MARCHF1: variants seen among roughly 807,000 people sequenced by gnomAD.
MARCHF1 encodes the protein membrane associated ring-CH-type finger 1, also known as E3 ubiquitin-protein ligase MARCHF1.
In MARCHF1, 40 loss-of-function variants were observed where a neutral mutation model predicts 54.2. The ratio of observed to expected loss-of-function variants is 0.74; its 90% CI spans 0.57 to 0.96. MARCHF1 has a LOEUF of 0.96. Among genes scored for constraint, MARCHF1 ranks in the 40% least tolerant of loss-of-function variants. The pLI is 0.00. For missense variants in MARCHF1, 586 were observed against 656.5 expected (o/e 0.89, Z 1.17); for synonymous variants, 236 against 236.3 (o/e 1.00, Z 0.01).
chr4:163,815,432 A>T (rs9308067), intron 4 of MARCHF1, among the ~76,000 whole-genome samples: 133,944 of 152,212 alleles, frequency 0.88, 59,999 homozygotes, highest in South Asian at 0.98. Flanking sequence ...GTACTGGTTG[A>T]TTAATCTTCA....
chr4:164,363,409 T>C (rs1322456021), intron 1 of MARCHF1, among the ~76,000 whole-genome samples: 4 of 152,176 alleles, frequency 2.6e-5, no homozygotes, highest in African/African-American at 9.7e-5. Flanking sequence ...AACCAAACTA[T>C]AAACTACTTC....
chr4:164,310,223 G>A (rs749646584), intron 1 of MARCHF1, among the ~76,000 whole-genome samples: 15 of 151,952 alleles, frequency 9.9e-5, no homozygotes, highest in Non-Finnish European at 1.9e-4. Flanking sequence ...GATCACAGGT[G>A]CGCACCACCA....
intron 1 of MARCHF1, among the ~76,000 whole-genome samples, chr4:164,123,178 G>T (rs1756107880): frequency 6.6e-6 from 1 of 151,948 alleles, no homozygotes; most frequent in African/African-American, 2.4e-5. Context: ...TGAATAATGT[G>T]AAAATGAAAT....
intron 1 of MARCHF1, among the ~76,000 whole-genome samples, chr4:164,243,936 A>G (rs893815925): frequency 1.1e-4 from 17 of 152,152 alleles, no homozygotes; most frequent in African/African-American, 3.9e-4. Context: ...CACCCAATAC[A>G]GGAGCACCCA....
intron 1 of MARCHF1, among the ~76,000 whole-genome samples, chr4:164,260,753 G>T (rs9308071): frequency 0.12 from 17,521 of 152,138 alleles, 1,576 homozygotes; most frequent in African/African-American, 0.25. Flanking sequence ...GTATGTGTAG[G>T]AGTAAAAAGC....
intron 4 of MARCHF1, among the ~76,000 whole-genome samples, chr4:163,756,628 T>A (rs1380000530): frequency 1.5e-4 from 7 of 45,542 alleles, no homozygotes; most frequent in Admixed American, 3.8e-4. Flanking sequence ...CGAGACTCTG[T>A]CTCAAAAAAA....
intron 1 of MARCHF1, among the ~76,000 whole-genome samples, chr4:164,121,170 G>A (rs1756057594): frequency 1.3e-5 from 2 of 152,046 alleles, no homozygotes; most frequent in East Asian, 1.9e-4. Context: ...TGAAAGGATC[G>A]TTTGTGGCTA....
chr4:164,174,528 G>C (rs1730612485), intron 1 of MARCHF1, among the ~76,000 whole-genome samples: 1 of 152,196 alleles, frequency 6.6e-6, no homozygotes, highest in Non-Finnish European at 1.5e-5. Context: ...AGTGGTACGA[G>C]ATTAGGAAGG....
At chr4:163,625,715 G>A (rs536458413) in intron 5 of MARCHF1, among the ~76,000 whole-genome samples, 1 of 152,194 alleles carries the variant, frequency 6.6e-6, no homozygotes, top group Non-Finnish European at 1.5e-5. Context: ...GGACTTCAGA[G>A]TCAAAAAACA....
intron 1 of MARCHF1, among the ~76,000 whole-genome samples, chr4:164,340,491 G>A (rs1241553479): frequency 1.4e-5 from 2 of 146,546 alleles, no homozygotes; most frequent in African/African-American, 5.0e-5. Flanking sequence ...ATGCAGCAGT[G>A]CAATCTTGGC....
chr4:164,381,253 ATACAT>A (rs1428742710), intron 1 of MARCHF1, among the ~76,000 whole-genome samples: 1 of 152,232 alleles, frequency 6.6e-6, no homozygotes, highest in East Asian at 1.9e-4. Flanking sequence ...TATGTGTGAA[ATACAT>A]TAAAGAACAT....
intron 5 of MARCHF1, among the ~76,000 whole-genome samples, chr4:163,672,341 A>G (rs1445120990): frequency 1.3e-5 from 2 of 152,104 alleles, no homozygotes; most frequent in Admixed American, 6.5e-5. Flanking sequence ...AACACATGTC[A>G]TGGCGGGGAG....
At chr4:164,317,794 G>A (rs1028663471) in intron 1 of MARCHF1, among the ~76,000 whole-genome samples, 1 of 152,178 alleles carries the variant, frequency 6.6e-6, no homozygotes, top group Admixed American at 6.5e-5. Flanking sequence ...GAGTTGGTGG[G>A]TAAACTGTGG....
At chr4:163,855,948 T>C (rs1350675321) in intron 3 of MARCHF1, among the ~76,000 whole-genome samples, 3 of 152,210 alleles carry the variant, frequency 2.0e-5, no homozygotes, top group South Asian at 2.1e-4. Context: ...ACTTTCATTT[T>C]TGATGTGATT....
chr4:164,040,031 T>A (rs559085670), intron 2 of MARCHF1, among the ~76,000 whole-genome samples: 16 of 146,982 alleles, frequency 1.1e-4, no homozygotes, highest in African/African-American at 3.9e-4. Flanking sequence ...GTATAATTTA[T>A]ATATACAAGC....
At chr4:164,303,842 A>G (rs530171888) in intron 1 of MARCHF1, among the ~76,000 whole-genome samples, 2 of 152,142 alleles carry the variant, frequency 1.3e-5, no homozygotes, top group Non-Finnish European at 2.9e-5. Flanking sequence ...GAGAAACAAA[A>G]TAAAGAGACA....
intron 4 of MARCHF1, among the ~76,000 whole-genome samples, chr4:163,805,647 C>A (rs1485016928): frequency 1.3e-5 from 2 of 152,168 alleles, no homozygotes; most frequent in Admixed American, 6.6e-5. Context: ...GGCCATTATG[C>A]TCCAAATTTT....
intron 4 of MARCHF1, among the ~76,000 whole-genome samples, chr4:163,785,520 T>C (rs1747593678): frequency 6.6e-6 from 1 of 152,036 alleles, no homozygotes; most frequent in Non-Finnish European, 1.5e-5. Context: ...TGACTTTTTT[T>C]TCCTCCTCAA....
intron 8 of MARCHF1, chr4:163,584,527 A>G (rs1228956361): frequency 6.6e-6 from 1 of 152,162 alleles, no homozygotes; most frequent in Non-Finnish European, 1.5e-5. Flanking sequence ...GGGCCCTAGA[A>G]AAACAGGGTT....
Sources: gnomAD v4.1 joint callset for allele counts (sites outside exome capture counted in the v4.1 genomes callset) on GRCh38, gnomAD v4.1.1 for gene constraint, MANE v1.5 for transcripts, NCBI Gene and HGNC (gene_info 2026-07-23, HGNC 2026-07-21) for gene names.